WDFY4: variants seen among roughly 807,000 people sequenced by gnomAD.
WDFY4 encodes the protein WDFY family member 4, also known as WD repeat- and FYVE domain-containing protein 4.
A neutral mutation model predicts 351.9 loss-of-function variants in WDFY4; 169 were observed. That is an observed-to-expected ratio of 0.48 (90% CI 0.42 to 0.55). The LOEUF is 0.55. Ranked by LOEUF, WDFY4 falls within the 20% of genes least tolerant of loss-of-function variation. The pLI is 0.00. For missense variants in WDFY4, 3,803 were observed against 3,935.6 expected (o/e 0.97, Z 0.90); for synonymous variants, 1,622 against 1,574.6 (o/e 1.03, Z -0.71).
At chr10:48,871,687 G>A (rs1208757683) in intron 40 of WDFY4, among the ~76,000 whole-genome samples, 1 of 152,106 alleles carries the variant, frequency 6.6e-6, no homozygotes, top group Non-Finnish European at 1.5e-5. Context: ...ATGTTGCCCA[G>A]GCTGGTCTTT....
chr10:48,810,466 A>G, intron 28 of WDFY4, 64 bp from the exon 29 acceptor site: 1 of 1,455,722 alleles, frequency 6.9e-7, no homozygotes, highest in Non-Finnish European at 9.2e-7. Flanking sequence ...GACATTTCAT[A>G]TTTTCTGGAC....
Position 48,826,673 on chromosome 10 carries a change from C to T in WDFY4, c.5985C>T (p.Val1995=). The T allele has an allele frequency of 6.5e-7, 1 of 1,549,924 alleles. No individual in the cohort carries two copies. The highest frequency in any genetic ancestry group is 8.7e-7 in the Non-Finnish European group (1 of 1,145,438). Residue 1995 remains valine, a splice_region_variant and synonymous_variant, in exon 36 of 62, where the codon GTC becomes GTT. Coordinates refer to ENST00000325239, the MANE Select transcript of WDFY4 (RefSeq NM_001394531.1). ...TGTATGTTTTTTTAATGACACAGGTCATTGAGACTGCCTCTTCTCAAAGGG... is the reference window on the plus strand; with the variant it reads ...TGTATGTTTTTTTAATGACACAGGTTATTGAGACTGCCTCTTCTCAAAGGG... ...LLFILEHIMV[V]IETASSQRDT...
rs2065512180 is a variant in WDFY4, at chr10:48,761,704, C to T, written c.2553+1264C>T. 3.9e-5 allele frequency among the ~76,000 whole-genome samples: 6 copies of T among 152,136 alleles called. No homozygotes were observed. The South Asian group carries it at 1.2e-3, about 32-fold the overall frequency. The stretch of plus-strand genomic sequence containing the variant: ...GAGTCAGCAGTCTCAAGATAAAGAA[C>T]AAATACCTTAGAAGTTCCAAGAAAG... On this transcript the variant is annotated intron_variant, in intron 13 of 61. Coordinates refer to ENST00000325239, the MANE Select transcript of WDFY4 (RefSeq NM_001394531.1).
chr10:48,767,230 A>G (rs926980410), intron 13 of WDFY4, among the ~76,000 whole-genome samples: 4 of 152,172 alleles, frequency 2.6e-5, no homozygotes, highest in African/African-American at 9.7e-5. Context: ...AATGGGTGTG[A>G]TGATATTTTC....
chr10:48,922,195 C>T (rs1012910619), intron 47 of WDFY4, among the ~76,000 whole-genome samples: 2 of 152,190 alleles, frequency 1.3e-5, no homozygotes, highest in African/African-American at 4.8e-5. Flanking sequence ...GAAATTCATA[C>T]ATTTTGAATT....
chr10:48,790,035 C>A, intron 22 of WDFY4, 50 bp downstream of exon 22: 1 of 1,524,890 alleles, frequency 6.6e-7, no homozygotes, highest in Non-Finnish European at 8.9e-7. Context: ...AGGGTTTGTG[C>A]TGTCATGGCT....
chr10:48,959,788 G>T lies in WDFY4; in HGVS notation c.8198G>T (p.Arg2733Leu), dbSNP rs751706400. The T allele has an allele frequency of 3.9e-6, 6 of 1,550,984 alleles. No individual in the cohort carries two copies. The African/African-American group carries it at 8.2e-5, about 21-fold the overall frequency. ...CCTCCCTGGGCTGATGGGGACCCTC[G>T]GAAATTCATCAGCCTGCACAGAAAG... is the stretch of plus-strand genomic sequence containing the variant. ...QLPPWADGDPRKFISLHRKAL... is the reference protein window; with the variant it reads ...QLPPWADGDPLKFISLHRKAL... The change falls in exon 53 of 62, where the codon CGG becomes CTG. Residue 2733 changes from arginine to leucine, a missense_variant. By Grantham distance (102) the Arg-to-Leu change is moderately radical (BLOSUM62 -2). Coordinates refer to ENST00000325239, the MANE Select transcript of WDFY4 (RefSeq NM_001394531.1).
At chr10:48,945,154 T>A (rs913816035) in intron 49 of WDFY4, among the ~76,000 whole-genome samples, 1 of 152,126 alleles carries the variant, frequency 6.6e-6, no homozygotes, top group African/African-American at 2.4e-5. Context: ...AGCAGGAGGA[T>A]TGCTTGAGCC....
intron 18 of WDFY4, among the ~76,000 whole-genome samples, chr10:48,779,127 A>G (rs1013540605): frequency 6.6e-6 from 1 of 152,254 alleles, no homozygotes; most frequent in African/African-American, 2.4e-5. Context: ...CAGAACAGTC[A>G]CAATGGGACC....
chr10:48,800,730 CTT>C (rs57288777), intron 24 of WDFY4, among the ~76,000 whole-genome samples: 4 of 92,808 alleles, frequency 4.3e-5, no homozygotes, highest in African/African-American at 4.7e-5. Context: ...TTCATTCTTT[CTT>C]TTTTTTTTTT....
Position 48,969,228 on chromosome 10 carries a change from G to A in WDFY4, c.8749G>A (p.Gly2917Arg). The A allele has an allele frequency of 6.4e-7, 1 of 1,551,424 alleles. No individual in the cohort carries two copies. Among genetic ancestry groups the A allele is most frequent in the Non-Finnish European group, 8.7e-7 (1 of 1,146,928 alleles). Reference sequence around the variant, plus strand: ...CTTTGATGACTTCAGCTGCTGCTTGGGGAGCTACGGCTCCGACAAGGTGAG... The same window carrying A: ...CTTTGATGACTTCAGCTGCTGCTTGAGGAGCTACGGCTCCGACAAGGTGAG... Reference protein sequence around the residue: ...WGFDDFSCCLGSYGSDKVLMT... With the variant: ...WGFDDFSCCLRSYGSDKVLMT... The change falls in exon 56 of 62, where the codon GGG (glycine) becomes AGG (arginine). Residue 2917 changes from glycine to arginine, a missense_variant. Gly to Arg is a moderately radical substitution (Grantham distance 125). Coordinates refer to ENST00000325239, the MANE Select transcript of WDFY4 (RefSeq NM_001394531.1).
chr10:48,811,417 T>A lies in WDFY4; in HGVS notation c.5045-122T>A. 3 of 820,078 alleles carry A rather than the reference T, an allele frequency of 3.7e-6. No homozygotes were observed. The East Asian group carries it at 8.1e-5, about 22-fold the overall frequency. 50.8% of individuals were successfully genotyped at this position (820,078 alleles called of 1,614,324 possible). A position where few individuals can be genotyped will look rare whatever the true frequency, so the allele number is the denominator to read the frequency against. ...TGCTCCCATCTATGTGTGAATATAT[T>A]TTATCATCCAGCATTTCTATGGGAT... On this transcript the variant is annotated intron_variant, in intron 29 of 61. Coordinates refer to ENST00000325239, the MANE Select transcript of WDFY4 (RefSeq NM_001394531.1).
intron 60 of WDFY4, 109 bp from the exon 61 acceptor site, chr10:48,981,258 C>A: frequency 2.2e-6 from 2 of 900,316 alleles, no homozygotes; most frequent in South Asian, 1.6e-5. Flanking sequence ...AAGTTGCTGA[C>A]CACAAATATA....
intron 39 of WDFY4, among the ~76,000 whole-genome samples, chr10:48,850,853 C>T (rs960817317): frequency 6.6e-6 from 1 of 152,188 alleles, no homozygotes; most frequent in Non-Finnish European, 1.5e-5. Context: ...TCAAAAGTAG[C>T]AGGAAGCTTC....
rs77375652 is a variant in WDFY4 at position 48,746,549 on chromosome 10, C to A, written c.2459+3001C>A. ...TATTTCTCATTTAACTGGAGAAAGT[C>A]ATTTGTTTACGCTTTCATAATTATT... On this transcript the variant is annotated intron_variant, in intron 12 of 61. Transcript: ENST00000325239. 9.5e-3 allele frequency among the ~76,000 whole-genome samples: 1,439 copies of A among 151,808 alleles called. 4 individuals are homozygous for A. The highest frequency in any genetic ancestry group is 0.015 in the Non-Finnish European group (1,020 of 67,950).
intron 5 of WDFY4, among the ~76,000 whole-genome samples, chr10:48,724,110 GGC>G (rs2064183577): frequency 6.6e-6 from 1 of 151,992 alleles, no homozygotes; most frequent in Non-Finnish European, 1.5e-5. Flanking sequence ...CCCACTTCCG[GGC>G]AGTTTCTGCT....
chr10:48,800,496 G>A (rs114436501), intron 24 of WDFY4, among the ~76,000 whole-genome samples: 5 of 152,006 alleles, frequency 3.3e-5, no homozygotes, highest in Admixed American at 1.3e-4. Flanking sequence ...AAAAATTTGT[G>A]AGGGAAGGAG....
At chr10:48,817,160 C>A in intron 31 of WDFY4, 85 bp from the exon 32 acceptor site, 1 of 1,445,810 alleles carries the variant, frequency 6.9e-7, no homozygotes, top group Non-Finnish European at 9.3e-7. Flanking sequence ...AGGAAGGAAT[C>A]TTCTCCCTAG....
intron 35 of WDFY4, chr10:48,824,298 T>G (rs1282813869): frequency 3.3e-6 from 2 of 599,818 alleles, no homozygotes; most frequent in Non-Finnish European, 4.2e-6. Context: ...TATGGTGTTT[T>G]TATGACAAAC....
Sources: gnomAD v4.1 joint callset for allele counts (sites outside exome capture counted in the v4.1 genomes callset) on GRCh38, gnomAD v4.1.1 for gene constraint, MANE v1.5 for transcripts, NCBI Gene and HGNC (gene_info 2026-07-23, HGNC 2026-07-21) for gene names.